The following OGT variants were observed in gnomAD, a reference collection of about 807,000 sequenced individuals.
The protein encoded by OGT is O-linked N-acetylglucosamine (GlcNAc) transferase.
Under a neutral mutation model 75.8 loss-of-function variants are expected in OGT, and 3 were observed. The observed-to-expected ratio is 0.04, with a 90% confidence interval of 0.02 to 0.10. OGT has a LOEUF of 0.10. Ranked by LOEUF, OGT falls within the 10% of genes least tolerant of loss-of-function variation. OGT has a pLI of 1.00. For synonymous variants in OGT, 257 were observed against 289.7 expected, an observed-to-expected ratio of 0.89 and a Z score of 1.15; for missense variants, 260 against 824.4, an observed-to-expected ratio of 0.32 and a Z score of 8.38.
At chrX:71,536,490 C>G (rs773242727) in intron 2 of OGT, 132 bp downstream of exon 2, 8 of 451,425 alleles carry the variant, frequency 1.8e-5, no homozygotes, top group East Asian at 1.7e-4. Context: ...CACATCTGCT[C>G]TCTTGCCCAC....
intron 12 of OGT, among the ~76,000 whole-genome samples, chrX:71,558,220 G>T (rs1196347118): frequency 1.8e-5 from 2 of 110,928 alleles, no homozygotes; most frequent in Non-Finnish European, 3.8e-5. Flanking sequence ...CAAAGTGCTG[G>T]GATTACGGGT....
chrX:71,563,033 T>C lies in OGT; in HGVS notation c.2148+16T>C. On this transcript the variant is annotated intron_variant, in intron 16 of 21. Transcript: ENST00000373719. ...TCACCTGAAGGTAGGTATGAAACAG[T>C]GCTATGGACGAATTTCAAAGAACTG... The C allele has an allele frequency of 1.7e-6, 2 of 1,199,764 alleles. No homozygotes were observed. Among genetic ancestry groups the C allele is most frequent in the Non-Finnish European group, 2.3e-6 (2 of 885,926 alleles).
rs1481957842 is a variant in OGT, at chrX:71,536,419, G to A, written c.218+61G>A. The A allele has an allele frequency of 8.2e-5, 77 of 936,038 alleles. 2 individuals are homozygous for A. The South Asian group carries it at 2.5e-3, about 31-fold the overall frequency. The allele number at this position is 936,038 out of a possible 1,213,427, so 77.1% of individuals were successfully genotyped here. ...CCTCTGGGTGCTGAGCTTGAAAAAT[G>A]ATACTTAAATATTTGAACTTGAAAT... is the stretch of plus-strand genomic sequence containing the variant. On this transcript the variant is annotated intron_variant, in intron 2 of 21. Transcript: ENST00000373719.
At chrX:71,568,414 T>G (rs1189662494) in intron 21 of OGT, among the ~76,000 whole-genome samples, 1 of 112,668 alleles carries the variant, frequency 8.9e-6, no homozygotes, top group African/African-American at 3.2e-5. Flanking sequence ...GCAGAACATT[T>G]AAATTTTATA....
intron 3 of OGT, among the ~76,000 whole-genome samples, chrX:71,539,362 A>T (rs1465903176): frequency 9.0e-6 from 1 of 110,669 alleles, no homozygotes; most frequent in African/African-American, 3.3e-5. Flanking sequence ...TTTAAAAAAC[A>T]TTTTTTTTTA....
chrX:71,543,140 A>G (rs1280604272), intron 3 of OGT, among the ~76,000 whole-genome samples: 2 of 111,932 alleles, frequency 1.8e-5, no homozygotes, highest in East Asian at 5.6e-4. Flanking sequence ...GCTGTTTATC[A>G]GTAGAATTAA....
rs775173991 is a variant in OGT at position 71,537,994 on chromosome X, C to T, written c.384C>T (p.Asn128=). The change falls in exon 3 of 22, where the codon AAC becomes AAT. Residue 128 remains asparagine (N), a synonymous_variant. Coordinates refer to ENST00000373719, the MANE Select transcript of OGT (RefSeq NM_181672.3). ...LKPDFIDGYI[N]LAAALVAAGD... ...CTGATTTCATCGATGGTTATATTAA[C>T]CTGGCAGCCGCCTTGGTAGCAGCGG... 11 of 1,211,747 alleles carry T rather than the reference C, an allele frequency of 9.1e-6. 1 individual carries two copies. The South Asian group carries it at 1.9e-4, about 21-fold the overall frequency.
intron 15 of OGT, among the ~76,000 whole-genome samples, chrX:71,562,602 G>A (rs1392996856): frequency 3.6e-5 from 4 of 112,324 alleles, no homozygotes; most frequent in East Asian, 2.8e-4. Flanking sequence ...AGTGATCTAC[G>A]ATTGCACCAC....
chrX:71,563,321 T>G lies in OGT; in HGVS notation c.2266-8T>G. ...GATCTTTTCCCTAATGATGCATTTT[T>G]TTTTCAGATGAAGTGTCCTGATGGA... On this transcript the variant is annotated splice_polypyrimidine_tract_variant and splice_region_variant and intron_variant, in intron 17 of 21. Coordinates refer to ENST00000373719, the MANE Select transcript of OGT (RefSeq NM_181672.3). 1 of 1,207,769 alleles carries G rather than the reference T, an allele frequency of 8.3e-7. No homozygotes were observed. The highest frequency in any genetic ancestry group is 1.1e-6 in the Non-Finnish European group (1 of 892,666).
chrX:71,554,487 GTAAC>G (rs2147681602), intron 5 of OGT, 22 bp from the exon 6 acceptor site: 5 of 1,120,794 alleles, frequency 4.5e-6, no homozygotes, highest in Non-Finnish European at 4.9e-6. Flanking sequence ...CTTGCTCTGA[GTAAC>G]TAACTGTCTT....
At chrX:71,565,680 G>A (rs1254662957) in intron 19 of OGT, among the ~76,000 whole-genome samples, 2 of 112,251 alleles carry the variant, frequency 1.8e-5, no homozygotes, top group African/African-American at 3.2e-5. Flanking sequence ...TTCTTAAAGG[G>A]CCAGATGGTA....
chrX:71,559,748 AT>A, intron 14 of OGT, 71 bp downstream of exon 14: 1 of 793,757 alleles, frequency 1.3e-6, no homozygotes, highest in Non-Finnish European at 1.8e-6. Context: ...CATATAGTTT[AT>A]TTTTGATGAT....
intron 21 of OGT, 53 bp downstream of exon 21, chrX:71,568,169 C>A: frequency 9.5e-7 from 1 of 1,051,875 alleles, no homozygotes; most frequent in Non-Finnish European, 1.3e-6. Flanking sequence ...GAGAATATAG[C>A]TGTTATAAAA....
At chrX:71,559,544 G>A in intron 13 of OGT, 44 bp from the exon 14 acceptor site, 2 of 1,169,275 alleles carry the variant, frequency 1.7e-6, no homozygotes, top group Non-Finnish European at 2.3e-6. Flanking sequence ...GAGCCAGAAA[G>A]ATTTGAGCCA....
intron 2 of OGT, among the ~76,000 whole-genome samples, chrX:71,537,446 C>T (rs541411248): frequency 9.0e-6 from 1 of 111,181 alleles, no homozygotes; most frequent in South Asian, 3.7e-4. Context: ...AGATTACAGG[C>T]GCCTGCCATC....
At chrX:71,537,807 T>G in intron 2 of OGT, 22 bp from the exon 3 acceptor site, 1 of 1,210,387 alleles carries the variant, frequency 8.3e-7, no homozygotes, top group Non-Finnish European at 1.1e-6. Context: ...ACCCATGCAT[T>G]AACACTTGTC....
rs2272780 is a variant in OGT at position 71,537,817 on chromosome X, C to T, written c.219-12C>T. 2.5e-6 allele frequency: 3 copies of T among 1,210,465 alleles called. No homozygotes were observed. Among genetic ancestry groups the T allele is most frequent in the East Asian group, 3.0e-5 (1 of 33,861 alleles). On this transcript the variant is annotated splice_polypyrimidine_tract_variant and intron_variant, in intron 2 of 21. Transcript: ENST00000373719. ...TGCATACCCATGCATTAACACTTGT[C>T]GCCTTTTCCAGATCTGCTCACTTTA...
intron 21 of OGT, among the ~76,000 whole-genome samples, chrX:71,570,705 C>T (rs949255152): frequency 7.4e-5 from 8 of 108,189 alleles, no homozygotes; most frequent in African/African-American, 2.0e-4. Flanking sequence ...ACATCACATA[C>T]GTCTAAGAAA....
intron 4 of OGT, chrX:71,547,450 T>C: frequency 2.7e-6 from 2 of 745,760 alleles, no homozygotes; most frequent in Non-Finnish European, 3.2e-6. Context: ...AACTCCTTTT[T>C]TTTTCAGCCA....
Sources: allele counts gnomAD v4.1 joint callset (sites outside exome capture counted in the v4.1 genomes callset), GRCh38; gene constraint gnomAD v4.1.1; transcripts MANE v1.5; gene names NCBI Gene and HGNC (gene_info 2026-07-23, HGNC 2026-07-21).